Variants in NPAT observed in about 807,000 individuals in gnomAD.
The protein encoded by NPAT is protein NPAT.
NPAT carries 52 observed loss-of-function variants against 130.7 expected under a neutral mutation model. The observed-to-expected ratio is 0.40, with a 90% CI of 0.32 to 0.50. The LOEUF (loss-of-function observed/expected upper bound fraction) is 0.50. Ranked by LOEUF, NPAT falls within the 20% of genes least tolerant of loss-of-function variation. NPAT has a pLI of 0.68. For missense variants in NPAT, 1,687 were observed against 1,662.6 expected (o/e 1.01, Z -0.26); for synonymous variants, 580 against 584.8 (o/e 0.99, Z 0.12).
intron 2 of NPAT, 41 bp downstream of exon 2, chr11:108,197,261 T>G: frequency 7.9e-7 from 1 of 1,271,158 alleles, no homozygotes; most frequent in Non-Finnish European, 1.2e-6. Context: ...TTTAGTCTCT[T>G]GTGTTGATGA....
At chr11:108,184,945 C>G (rs1403595051) in intron 10 of NPAT, among the ~76,000 whole-genome samples, 2 of 152,168 alleles carry the variant, frequency 1.3e-5, no homozygotes, top group Admixed American at 6.5e-5. Context: ...TTATTACACA[C>G]AAATATACCC....
intron 12 of NPAT, among the ~76,000 whole-genome samples, chr11:108,174,593 A>G (rs999070833): frequency 6.9e-6 from 1 of 145,898 alleles, no homozygotes; most frequent in Admixed American, 6.8e-5. Context: ...AGAGTATGAT[A>G]TGAGTAAGGA....
At chr11:108,160,150 A>T (rs1196065975) in intron 17 of NPAT, among the ~76,000 whole-genome samples, 1 of 150,120 alleles carries the variant, frequency 6.7e-6, no homozygotes, top group African/African-American at 2.4e-5. Context: ...TCTGTCTCAA[A>T]AAAAAAAAAA....
chr11:108,190,221 G>C (rs2078153482), intron 5 of NPAT, among the ~76,000 whole-genome samples: 1 of 148,974 alleles, frequency 6.7e-6, no homozygotes, highest in African/African-American at 2.5e-5. Context: ...TCTGAGGCAG[G>C]AGAATCGCTT....
At chr11:108,173,912 T>C (rs561611860) in intron 12 of NPAT, 61 bp from the exon 13 acceptor site, 2 of 1,458,962 alleles carry the variant, frequency 1.4e-6, no homozygotes, top group South Asian at 2.3e-5. Context: ...GAGGTAGTCA[T>C]TTTTGCCATA....
At chr11:108,190,392 A>C in intron 5 of NPAT, 68 bp downstream of exon 5, 2 of 1,182,112 alleles carry the variant, frequency 1.7e-6, no homozygotes, top group Non-Finnish European at 2.5e-6. Flanking sequence ...TGTACAATGA[A>C]TTAAAATGTT....
chr11:108,210,760 C>T (rs1299011326), intron 1 of NPAT, among the ~76,000 whole-genome samples: 1 of 152,144 alleles, frequency 6.6e-6, no homozygotes, highest in African/African-American at 2.4e-5. Flanking sequence ...GATCAAATGC[C>T]CTCACTGGTG....
At chr11:108,176,749 T>C (rs1040719099) in intron 11 of NPAT, among the ~76,000 whole-genome samples, 1 of 152,192 alleles carries the variant, frequency 6.6e-6, no homozygotes, top group Non-Finnish European at 1.5e-5. Context: ...CATCAACACA[T>C]TCCCTGATGA....
At chr11:108,190,876 C>T (rs2078162859) in intron 4 of NPAT, among the ~76,000 whole-genome samples, 1 of 152,106 alleles carries the variant, frequency 6.6e-6, no homozygotes, top group African/African-American at 2.4e-5. Context: ...AGTTCATGAA[C>T]AGCCTGAGCA....
chr11:108,170,210 C>A (rs1296549735), intron 13 of NPAT, 167 bp from the exon 14 acceptor site: 2 of 594,122 alleles, frequency 3.4e-6, no homozygotes, highest in Non-Finnish European at 3.0e-6. Context: ...ACAAAAAAAA[C>A]GAAACTGAAA....
At chr11:108,165,250 T>G (rs1175411939) in intron 15 of NPAT, among the ~76,000 whole-genome samples, 2 of 151,872 alleles carry the variant, frequency 1.3e-5, no homozygotes, top group Non-Finnish European at 2.9e-5. Flanking sequence ...CTCTATCAAT[T>G]TTTTCCATTT....
chr11:108,204,073 T>C (rs535448972), intron 1 of NPAT, among the ~76,000 whole-genome samples: 3 of 152,272 alleles, frequency 2.0e-5, no homozygotes, highest in Admixed American at 1.3e-4. Flanking sequence ...CAGCACCCCG[T>C]CAGCAGAAAG....
chr11:108,161,718 G>A lies in NPAT; in HGVS notation c.3368C>T (p.Pro1123Leu). The change falls in exon 17 of 18, where the codon CCT becomes CTT. Residue 1123 changes from proline to leucine, a missense_variant. Physicochemically the swap from Pro to Leu is moderately conservative, Grantham distance 98. Transcript: ENST00000278612. ...CGATTTAGATAAAATCTTAGGCAGA[G>A]GAGGCTTCTCTTTCTCTCTTTTGAT... ...NAIKREKEKP[P>L]LPKILSKSES... is the part of the protein sequence containing the mutation. 1 of 1,613,780 alleles carries A rather than the reference G, an allele frequency of 6.2e-7. No homozygotes were observed. Among genetic ancestry groups the A allele is most frequent in the Non-Finnish European group, 8.5e-7 (1 of 1,180,024 alleles).
At position 108,161,149 on chromosome 11, in the gene NPAT, A is replaced by T; in HGVS notation, c.3937T>A (p.Leu1313Met). 1.2e-6 allele frequency: 2 copies of T among 1,614,158 alleles called. No individual in the cohort carries two copies. Among genetic ancestry groups the T allele is most frequent in the Non-Finnish European group, 1.7e-6 (2 of 1,180,020 alleles). ...KVMVPPVTPD[L>M]PACSPASETG... ...TCACTGGCAGGGCTGCAGGCAGGCA[A>T]GTCTGGGGTGACAGGAGGGACCATT... is the stretch of plus-strand genomic sequence containing the variant. Residue 1313 changes from leucine to methionine, a missense_variant, in exon 17 of 18, where the codon TTG becomes ATG. Physicochemically the swap from Leu to Met is conservative, Grantham distance 15. Transcript: ENST00000278612.
At position 108,172,595 on chromosome 11, in the gene NPAT, C is replaced by G. The variant is rs746414419; in HGVS notation, c.2389G>C (p.Gly797Arg). 5.0e-6 allele frequency: 8 copies of G among 1,614,060 alleles called. No individual in the cohort carries two copies. The highest frequency in any genetic ancestry group is 1.3e-5 in the African/African-American group (1 of 74,928). Residue 797 changes from glycine (G) to arginine (R), a missense_variant, in exon 13 of 18, where the codon GGT becomes CGT. Gly to Arg is a moderately radical substitution (Grantham distance 125). Coordinates refer to ENST00000278612, the MANE Select transcript of NPAT (RefSeq NM_002519.3). ...VKCLSSEETV[G>R]AVVYAEVGDS... ...CCTACTTCGGCATATACAACAGCACCTACAGTTTCTTCTGAAGATAGGCAT... is the reference window on the plus strand; with the variant it reads ...CCTACTTCGGCATATACAACAGCACGTACAGTTTCTTCTGAAGATAGGCAT...
chr11:108,171,089 G>A (rs73006208), intron 13 of NPAT: 15,755 of 148,152 alleles, frequency 0.11, 1,151 homozygotes, highest in Non-Finnish European at 0.14. Context: ...AACACAGCAC[G>A]CAATAAATGC....
Position 108,211,159 on chromosome 11 carries a change from T to C in NPAT, c.37+11341A>G, listed in dbSNP as rs150923883. Among the ~76,000 whole-genome samples, 1,044 of 151,528 alleles carry C rather than the reference T, an allele frequency of 6.9e-3. 16 individuals carry two copies. Among genetic ancestry groups the C allele is most frequent in the African/African-American group, 0.023 (967 of 41,256 alleles). On this transcript the variant is annotated intron_variant, in intron 1 of 17. Transcript: ENST00000278612. ...TGAACCAGGGAGTCAGAGGTTGCAG[T>C]GAGCCGAGATCGCGCCACTGCATTC...
intron 1 of NPAT, among the ~76,000 whole-genome samples, chr11:108,213,089 C>T (rs1234150585): frequency 2.6e-5 from 4 of 151,686 alleles, no homozygotes; most frequent in African/African-American, 9.7e-5. Context: ...GCCTGACCAA[C>T]ATGGAGAAAC....
At chr11:108,180,338 TAA>T (rs1034541708) in intron 10 of NPAT, among the ~76,000 whole-genome samples, 7 of 152,094 alleles carry the variant, frequency 4.6e-5, no homozygotes, top group Non-Finnish European at 7.4e-5. Context: ...AAAAATAATG[TAA>T]GTCACATAAT....
Sources: allele counts gnomAD v4.1 joint callset (sites outside exome capture counted in the v4.1 genomes callset), GRCh38; gene constraint gnomAD v4.1.1; transcripts MANE v1.5; gene names NCBI Gene and HGNC (gene_info 2026-07-23, HGNC 2026-07-21).